The following FLOT1 variants were observed in gnomAD, a reference collection of about 807,000 sequenced individuals.
The protein encoded by FLOT1 is flotillin 1.
Under a neutral mutation model 58.4 loss-of-function variants are expected in FLOT1, and 40 were observed. That is an observed-to-expected ratio of 0.69 (90% confidence interval 0.53 to 0.89). The LOEUF is 0.89. FLOT1 is among the 40% of genes least tolerant of loss of function. FLOT1 has a pLI of 0.00. For missense variants in FLOT1, 423 were observed against 540.8 expected (o/e 0.78, Z 2.16); for synonymous variants, 178 against 204.2 (o/e 0.87, Z 1.09).
chr6:30,730,969 C>T lies in FLOT1; in HGVS notation c.855G>A (p.Lys285=), dbSNP rs373399119. 73 of 1,613,906 alleles carry T rather than the reference C, an allele frequency of 4.5e-5. No homozygotes were observed. Among genetic ancestry groups the T allele is most frequent in the Non-Finnish European group, 5.9e-5 (70 of 1,180,000 alleles). Reference sequence around the variant, plus strand: ...GCTTGTAGCGCTCCGCTTCCGCTGGCTTCCGCACCCGGGCCTCCAGCTCCT... The same window carrying T: ...GCTTGTAGCGCTCCGCTTCCGCTGGTTTCCGCACCCGGGCCTCCAGCTCCT... ...REKELEARVR[K]PAEAERYKLE... Residue 285 remains lysine, a synonymous_variant, in exon 9 of 13, where the codon AAG becomes AAA. Transcript: ENST00000376389.
rs1554208447 is a variant in FLOT1 at position 30,737,200 on chromosome 6, A to ACTGACTGACTGT, written c.723+2957_723+2958insACAGTCAGTCAG. On this transcript the variant is annotated intron_variant, in intron 8 of 12. Transcript: ENST00000376389. The surrounding 1 kb of genome is among the most constrained non-coding windows in gnomAD (Gnocchi z 4.4). ...CCACGTATGACTGACTGACTGACTGACTGTCTGTCGTCCGTCCGTCCGTCC... is the reference window on the plus strand; with the variant it reads ...CCACGTATGACTGACTGACTGACTGACTGACTGACTGTCTGTCTGTCGTCCGTCCGTCCGTCC... 1.4e-5 allele frequency among the ~76,000 whole-genome samples: 2 copies of ACTGACTGACTGT among 143,784 alleles called. No homozygotes were observed. Among genetic ancestry groups the ACTGACTGACTGT allele is most frequent in the African/African-American group, 5.3e-5 (2 of 37,992 alleles). 94.3% of individuals were successfully genotyped at this position (143,784 alleles called of 152,430 possible). A position where few individuals can be genotyped will look rare whatever the true frequency, so the allele number is the denominator to read the frequency against.
intron 8 of FLOT1, among the ~76,000 whole-genome samples, chr6:30,734,046 GAAAAAAAAA>G (rs796499603): frequency 6.2e-5 from 3 of 48,780 alleles, no homozygotes; most frequent in South Asian, 1.5e-3. Context: ...CCCTGTCTCT[GAAAAAAAAA>G]AAAAAAAAAA....
At position 30,730,957 on chromosome 6, in the gene FLOT1, C is replaced by G; in HGVS notation, c.867G>C (p.Ala289=). The change falls in exon 9 of 13, where the codon GCG becomes GCC. Residue 289 remains alanine (A), a synonymous_variant. Coordinates refer to ENST00000376389, the MANE Select transcript of FLOT1 (RefSeq NM_005803.4). ...LEARVRKPAE[A]ERYKLERLAE... is the part of the protein sequence containing the mutation. ...CTAGGCGCTCCAGCTTGTAGCGCTC[C>G]GCTTCCGCTGGCTTCCGCACCCGGG... The G allele has an allele frequency of 6.2e-7, 1 of 1,613,942 alleles. No individual in the cohort carries two copies. The highest frequency in any genetic ancestry group is 8.5e-7 in the Non-Finnish European group (1 of 1,179,948).
At chr6:30,740,651 TG>T in intron 6 of FLOT1, 27 bp downstream of exon 6, 2 of 1,612,684 alleles carry the variant, frequency 1.2e-6, no homozygotes, top group Non-Finnish European at 1.7e-6. Context: ...AGCAAGGAAG[TG>T]GGGAAGGATC....
At position 30,742,041 on chromosome 6, in the gene FLOT1, G is replaced by A; in HGVS notation, c.43+106C>T. The A allele has an allele frequency of 3.1e-6, 4 of 1,304,572 alleles. No homozygotes were observed. The African/African-American group carries it at 5.8e-5, about 19-fold the overall frequency. 80.8% of individuals were successfully genotyped at this position (1,304,572 alleles called of 1,614,324 possible). A position where few individuals can be genotyped will look rare whatever the true frequency, so the allele number is the denominator to read the frequency against. ...CTGGGCAGTTCGTGGCCATCAAGGG[G>A]CAGAAGTCTGGTGCTGGGAAGTTGG... On this transcript the variant is annotated intron_variant, in intron 2 of 12. Transcript: ENST00000376389. This position sits in a 1 kb window ranked among gnomAD's most constrained non-coding sequence, Gnocchi z 5.2.
At chr6:30,729,990 C>G (rs1562173015) in intron 12 of FLOT1, 32 bp downstream of exon 12, 2 of 1,603,382 alleles carry the variant, frequency 1.2e-6, no homozygotes, top group Non-Finnish European at 8.5e-7. Flanking sequence ...AGGAACCTAG[C>G]AATTCTCCTC....
In FLOT1 at chr6:30,730,863, T is replaced by A; in HGVS notation, c.905+56A>T. ...AGGTGGTGAAGGCTTCAGCACTCCATCTTGGGGTGCCTAGGTGGCAAGTGA... is the reference window on the plus strand; with the variant it reads ...AGGTGGTGAAGGCTTCAGCACTCCAACTTGGGGTGCCTAGGTGGCAAGTGA... On this transcript the variant is annotated intron_variant, in intron 9 of 12. Coordinates refer to ENST00000376389, the MANE Select transcript of FLOT1 (RefSeq NM_005803.4). The A allele has an allele frequency of 8.1e-6, 13 of 1,597,282 alleles. 1 individual carries two copies. In the South Asian group the frequency reaches 1.4e-4, roughly 18 times the overall value.
At chr6:30,734,279 A>G (rs890992900) in intron 8 of FLOT1, among the ~76,000 whole-genome samples, 9 of 151,276 alleles carry the variant, frequency 5.9e-5, no homozygotes, top group South Asian at 4.2e-4. Flanking sequence ...TCTGCTCCCA[A>G]TAAGTCATGC....
intron 8 of FLOT1, 23 bp downstream of exon 8, chr6:30,740,135 A>G (rs1409982364): frequency 6.2e-7 from 1 of 1,611,250 alleles, no homozygotes; most frequent in Non-Finnish European, 8.5e-7. Context: ...AGGGGCAGAG[A>G]GTGGCCTGGC....
chr6:30,741,952 C>A lies in FLOT1; in HGVS notation c.44-85G>T. On this transcript the variant is annotated intron_variant, in intron 2 of 12. Coordinates refer to ENST00000376389, the MANE Select transcript of FLOT1 (RefSeq NM_005803.4). This position sits in a 1 kb window ranked among gnomAD's most constrained non-coding sequence, Gnocchi z 5.9. The stretch of plus-strand genomic sequence containing the variant: ...CTGGCGGGGGTGAGGGGACAGCAAC[C>A]CACAGGAGAGAATCTGGGAGCTGGA... The A allele has an allele frequency of 7.5e-7, 1 of 1,330,756 alleles. No individual in the cohort carries two copies. Among genetic ancestry groups the A allele is most frequent in the Admixed American group, 1.7e-5 (1 of 57,854 alleles). The allele number at this position is 1,330,756 out of a possible 1,614,324, so 82.4% of individuals were successfully genotyped here.
intron 8 of FLOT1, among the ~76,000 whole-genome samples, chr6:30,734,339 C>T (rs1445834275): frequency 4.1e-5 from 6 of 147,052 alleles, no homozygotes; most frequent in Non-Finnish European, 5.9e-5. Context: ...GATGGAGTCT[C>T]GCTCTGTCAC....
chr6:30,728,121 C>T lies in FLOT1; in HGVS notation c.1279G>A (p.Ala427Thr). Reference protein sequence around the residue: ...SQVNHKPLRTA With the variant: ...SQVNHKPLRTT ...CATCTGTGAGGGCTGAAGGCTCAGGCTGTTCTCAAAGGCTTGTGATTCACC... is the reference window on the plus strand; with the variant it reads ...CATCTGTGAGGGCTGAAGGCTCAGGTTGTTCTCAAAGGCTTGTGATTCACC... Residue 427 changes from alanine (A) to threonine (T), a missense_variant, in exon 13 of 13, where the codon GCC (alanine) becomes ACC (threonine). Ala to Thr is a moderately conservative substitution (Grantham distance 58). This residue lies in a region of FLOT1 where 44 missense variants were observed against 40.3 expected (regional missense o/e 1.09). Coordinates refer to ENST00000376389, the MANE Select transcript of FLOT1 (RefSeq NM_005803.4). 2 of 1,613,004 alleles carry T rather than the reference C, an allele frequency of 1.2e-6. No individual in the cohort carries two copies. Among genetic ancestry groups the T allele is most frequent in the Non-Finnish European group, 1.7e-6 (2 of 1,179,958 alleles).
At chr6:30,729,775 C>CT (rs1777019234) in intron 12 of FLOT1, among the ~76,000 whole-genome samples, 1 of 152,210 alleles carries the variant, frequency 6.6e-6, no homozygotes, top group African/African-American at 2.4e-5. Context: ...TCCAGCTGCA[C>CT]TAGCAGAATG....
rs1186001991 is a variant in FLOT1 at position 30,734,721 on chromosome 6, T to C, written c.724-3621A>G. On this transcript the variant is annotated intron_variant, in intron 8 of 12. Transcript: ENST00000376389. Reference sequence around the variant, plus strand: ...ACCAAGCATACCCTGTCCCTGGCTTTCTTGGTTGCTCCCAAATCTGTGATG... The same window carrying C: ...ACCAAGCATACCCTGTCCCTGGCTTCCTTGGTTGCTCCCAAATCTGTGATG... Among the ~76,000 whole-genome samples the C allele has an allele frequency of 2.6e-5, 4 of 152,086 alleles. No homozygotes were observed. In the East Asian group the frequency reaches 5.8e-4, roughly 22 times the overall value.
rs1777999397 is a variant in FLOT1, at chr6:30,741,736, AGAG to A, written c.120-35_120-33del. ...GAAAAAGAAGGGACAGACAGTAAGA[AGAG>A]GAGGAAAAAGAGAAAACGGAGGTCC... On this transcript the variant is annotated intron_variant, in intron 3 of 12. Coordinates refer to ENST00000376389, the MANE Select transcript of FLOT1 (RefSeq NM_005803.4). The surrounding 1 kb of genome is among the most constrained non-coding windows in gnomAD (Gnocchi z 5.9). The A allele has an allele frequency of 1.2e-5, 19 of 1,610,086 alleles. No homozygotes were observed. Among genetic ancestry groups the A allele is most frequent in the Non-Finnish European group, 1.6e-5 (19 of 1,177,322 alleles).
chr6:30,733,655 C>T (rs891613167), intron 8 of FLOT1, among the ~76,000 whole-genome samples: 6 of 150,892 alleles, frequency 4.0e-5, no homozygotes, highest in Non-Finnish European at 8.8e-5. Context: ...GTAGGAGAAT[C>T]GCTTGAACCC....
intron 9 of FLOT1, 31 bp from the exon 10 acceptor site, chr6:30,730,758 C>T (rs1323237053): frequency 5.7e-5 from 92 of 1,612,544 alleles, no homozygotes; most frequent in Non-Finnish European, 7.5e-5. Context: ...GAGGGTGGAG[C>T]CCAGCAGCCC....
At chr6:30,730,797 CA>C in intron 9 of FLOT1, 70 bp from the exon 10 acceptor site, 1 of 1,607,150 alleles carries the variant, frequency 6.2e-7, no homozygotes, top group Non-Finnish European at 8.5e-7. Flanking sequence ...CCCAGTGCTG[CA>C]GAGGCAGACG....
At position 30,741,495 on chromosome 6, in the gene FLOT1, A is replaced by C; in HGVS notation, c.210+119T>G. On this transcript the variant is annotated intron_variant, in intron 4 of 12. Coordinates refer to ENST00000376389, the MANE Select transcript of FLOT1 (RefSeq NM_005803.4). This position sits in a 1 kb window ranked among gnomAD's most constrained non-coding sequence, Gnocchi z 5.9. ...TGGGGTGCCTGGAAAAGATGAGACT[A>C]GCAGAGGAACTTCTCTGCAGGCAAG... is the stretch of plus-strand genomic sequence containing the variant. 1 of 1,241,926 alleles carries C rather than the reference A, an allele frequency of 8.1e-7. No individual in the cohort carries two copies. The highest frequency in any genetic ancestry group is 1.2e-6 in the Non-Finnish European group (1 of 857,108). 76.9% of individuals were successfully genotyped at this position (1,241,926 alleles called of 1,614,324 possible).
Sources: gnomAD v4.1 joint callset for allele counts (sites outside exome capture counted in the v4.1 genomes callset) on GRCh38, gnomAD v4.1.1 for gene constraint, gnomAD v4.1.1 regional missense constraint, Gnocchi (gnomAD v3.1) non-coding constraint, MANE v1.5 for transcripts, NCBI Gene and HGNC (gene_info 2026-07-23, HGNC 2026-07-21) for gene names.